The following AGBL4 variants were observed in gnomAD, a reference collection of about 807,000 sequenced individuals.
AGBL4 encodes the protein cytosolic carboxypeptidase 6.
A neutral mutation model predicts 66.4 loss-of-function variants in AGBL4; 58 were observed. The observed-to-expected ratio is 0.87, with a 90% CI of 0.71 to 1.09. The LOEUF (loss-of-function observed/expected upper bound fraction) is 1.09. AGBL4 is among the 50% of genes least tolerant of loss of function. AGBL4 has a pLI of 0.00. For synonymous variants in AGBL4, 234 were observed against 222.9 expected (o/e 1.05, Z -0.44); for missense variants, 579 against 631.0 (o/e 0.92, Z 0.88).
chr1:49,911,588 G>A (rs971176182), intron 1 of AGBL4, among the ~76,000 whole-genome samples: 15 of 152,184 alleles, frequency 9.9e-5, no homozygotes, highest in African/African-American at 3.6e-4. Flanking sequence ...GGGAGCCACA[G>A]GATTGAGGCA....
chr1:49,669,391 A>G (rs935900231), intron 3 of AGBL4, among the ~76,000 whole-genome samples: 4 of 152,148 alleles, frequency 2.6e-5, no homozygotes, highest in Admixed American at 2.0e-4. Context: ...GGTCAAATAT[A>G]TATTCAAAAG....
At chr1:49,733,095 A>T (rs1016269622) in intron 2 of AGBL4, among the ~76,000 whole-genome samples, 2 of 152,250 alleles carry the variant, frequency 1.3e-5, no homozygotes, top group African/African-American at 4.8e-5. Context: ...ACTGACTTTC[A>T]TCAGAGCCAA....
intron 9 of AGBL4, among the ~76,000 whole-genome samples, chr1:48,608,361 C>T (rs893854481): frequency 7.2e-5 from 11 of 152,142 alleles, no homozygotes; most frequent in African/African-American, 9.7e-5. Context: ...CATCTAGAGA[C>T]GTGTTCTTTT....
At chr1:48,554,321 G>A (rs1644291232) in intron 11 of AGBL4, among the ~76,000 whole-genome samples, 2 of 152,276 alleles carry the variant, frequency 1.3e-5, no homozygotes, top group Non-Finnish European at 2.9e-5. Context: ...ACCAAATGCT[G>A]TATGCCTTGG....
chr1:48,684,271 A>G (rs561385625), intron 6 of AGBL4, among the ~76,000 whole-genome samples: 2 of 152,374 alleles, frequency 1.3e-5, no homozygotes, highest in East Asian at 3.9e-4. Context: ...AGCCCTGGAC[A>G]GTGGTGAAGA....
At chr1:49,407,466 A>G (rs1043379457) in intron 3 of AGBL4, among the ~76,000 whole-genome samples, 1 of 152,218 alleles carries the variant, frequency 6.6e-6, no homozygotes, top group Non-Finnish European at 1.5e-5. Flanking sequence ...AGCCTCCATC[A>G]TCACGTGAGC....
At chr1:49,749,777 C>T (rs559356116) in intron 2 of AGBL4, among the ~76,000 whole-genome samples, 2 of 152,218 alleles carry the variant, frequency 1.3e-5, no homozygotes, top group African/African-American at 4.8e-5. Flanking sequence ...TGGTAGTTCT[C>T]CCCAATGTGT....
chr1:48,895,089 A>G (rs1389403444), intron 5 of AGBL4, among the ~76,000 whole-genome samples: 1 of 152,222 alleles, frequency 6.6e-6, no homozygotes, highest in Admixed American at 6.5e-5. Context: ...ATTTTAGGGC[A>G]TGTTCCCTCT....
At chr1:48,603,296 CCTGG>C (rs1645103068) in intron 9 of AGBL4, among the ~76,000 whole-genome samples, 1 of 152,016 alleles carries the variant, frequency 6.6e-6, no homozygotes, top group Admixed American at 6.6e-5. Context: ...ATGGTGAAAC[CCTGG>C]CTCTACTAAA....
At chr1:48,698,011 G>C (rs1448173698) in intron 6 of AGBL4, among the ~76,000 whole-genome samples, 1 of 152,218 alleles carries the variant, frequency 6.6e-6, no homozygotes, top group Non-Finnish European at 1.5e-5. Flanking sequence ...AATGACTACT[G>C]TCACGGAATG....
chr1:49,537,721 A>T (rs889075960), intron 3 of AGBL4, among the ~76,000 whole-genome samples: 1 of 152,178 alleles, frequency 6.6e-6, no homozygotes, highest in African/African-American at 2.4e-5. Context: ...TCAGGAGATC[A>T]AGACCATCCT....
At chr1:49,655,159 G>C (rs761994411) in intron 3 of AGBL4, among the ~76,000 whole-genome samples, 14 of 152,128 alleles carry the variant, frequency 9.2e-5, no homozygotes, top group Non-Finnish European at 1.5e-4. Context: ...GCATTTGCTT[G>C]TCTCTAAAGG....
intron 3 of AGBL4, among the ~76,000 whole-genome samples, chr1:49,416,043 G>T (rs1257613653): frequency 6.6e-6 from 1 of 152,030 alleles, no homozygotes. Context: ...TTATCCAGGG[G>T]TCAATGTCAA....
intron 12 of AGBL4, 135 bp downstream of exon 12, chr1:48,539,507 G>T: frequency 1.6e-6 from 1 of 619,312 alleles, no homozygotes; most frequent in South Asian, 3.7e-5. Flanking sequence ...ATAAAATCTC[G>T]GTGGCAGGGC....
intron 3 of AGBL4, among the ~76,000 whole-genome samples, chr1:49,552,837 C>T (rs1380978931): frequency 5.3e-5 from 8 of 152,306 alleles, no homozygotes; most frequent in Middle Eastern, 3.4e-3. Context: ...GCCATGATGA[C>T]GCTTGATTCC....
At position 49,860,884 on chromosome 1, in the gene AGBL4, T is replaced by C. The variant is rs1054312493; in HGVS notation, c.35-9366A>G. Reference sequence around the variant, plus strand: ...GACAGTACCTGGTTTTAACTTCATATCACTGAAAGAGGCACTGAAGAGATC... The same window carrying C: ...GACAGTACCTGGTTTTAACTTCATACCACTGAAAGAGGCACTGAAGAGATC... On this transcript the variant is annotated intron_variant, in intron 1 of 13. Coordinates refer to ENST00000371839, the MANE Select transcript of AGBL4 (RefSeq NM_032785.4). Among the ~76,000 whole-genome samples, 7 of 151,870 alleles carry C rather than the reference T, an allele frequency of 4.6e-5. 1 individual carries two copies. Among genetic ancestry groups the C allele is most frequent in the African/African-American group, 1.7e-4 (7 of 41,294 alleles).
chr1:49,616,956 G>A (rs1217825796), intron 3 of AGBL4, among the ~76,000 whole-genome samples: 1 of 151,992 alleles, frequency 6.6e-6, no homozygotes, highest in Admixed American at 6.6e-5. Flanking sequence ...CTTCCTAACT[G>A]GCTACTCTGT....
chr1:48,818,035 C>T (rs1229030061), intron 6 of AGBL4: 5 of 708,242 alleles, frequency 7.1e-6, no homozygotes, highest in Non-Finnish European at 1.3e-5. Flanking sequence ...GAGATTAGGT[C>T]AAATTCATAT....
At chr1:48,862,554 C>T (rs1341271854) in intron 6 of AGBL4, among the ~76,000 whole-genome samples, 1 of 152,132 alleles carries the variant, frequency 6.6e-6, no homozygotes. Flanking sequence ...ATTTCCTGAC[C>T]TCGTGATCTG....
Sources: gnomAD v4.1 joint callset for allele counts (sites outside exome capture counted in the v4.1 genomes callset) on GRCh38, gnomAD v4.1.1 for gene constraint, MANE v1.5 for transcripts, NCBI Gene and HGNC (gene_info 2026-07-23, HGNC 2026-07-21) for gene names.